CSMD1: variants seen among roughly 807,000 people sequenced by gnomAD.
CSMD1 encodes the protein CUB and sushi domain-containing protein 1.
A neutral mutation model predicts 417.5 loss-of-function variants in CSMD1; 213 were observed. The ratio of observed to expected loss-of-function variants is 0.51; its 90% CI spans 0.46 to 0.57. The LOEUF is 0.57. CSMD1 is among the 20% of genes least tolerant of loss of function. CSMD1 has a pLI of 0.00. For missense variants in CSMD1, 6,923 were observed against 4,529.7 expected (o/e 1.53, Z -15.17); for synonymous variants, 2,862 against 1,736.8 (o/e 1.65, Z -16.11).
intron 3 of CSMD1, among the ~76,000 whole-genome samples, chr8:4,134,757 T>A (rs1803315140): frequency 6.6e-6 from 1 of 152,196 alleles, no homozygotes; most frequent in South Asian, 2.1e-4. Flanking sequence ...GTCTCCAATA[T>A]ACCCCTTCTG....
intron 5 of CSMD1, among the ~76,000 whole-genome samples, chr8:3,824,849 G>A (rs981982399): frequency 2.6e-5 from 4 of 152,026 alleles, no homozygotes; most frequent in Admixed American, 2.0e-4. Context: ...AAATGACACA[G>A]GGTTTCAATT....
intron 1 of CSMD1, among the ~76,000 whole-genome samples, chr8:4,962,206 A>G (rs920456741): frequency 2.8e-5 from 4 of 142,298 alleles, no homozygotes; most frequent in Non-Finnish European, 6.0e-5. Flanking sequence ...TTAAAAAAAA[A>G]AGAAAAAAAC....
intron 3 of CSMD1, among the ~76,000 whole-genome samples, chr8:4,297,173 C>A (rs965820649): frequency 5.9e-5 from 9 of 151,994 alleles, no homozygotes; most frequent in Non-Finnish European, 1.2e-4. Context: ...CATGAATATA[C>A]TTTTACAATC....
At chr8:3,428,839 T>A (rs1384206629) in intron 12 of CSMD1, among the ~76,000 whole-genome samples, 1 of 152,140 alleles carries the variant, frequency 6.6e-6, no homozygotes, top group Non-Finnish European at 1.5e-5. Flanking sequence ...GGTAAAAATG[T>A]GGAATACTAT....
chr8:4,100,578 C>G (rs1801254372), intron 3 of CSMD1, among the ~76,000 whole-genome samples: 2 of 152,072 alleles, frequency 1.3e-5, no homozygotes, highest in African/African-American at 2.4e-5. Flanking sequence ...AACAGCATCA[C>G]CTGGGAGGTG....
At chr8:4,449,426 G>A (rs2129798678) in intron 2 of CSMD1, among the ~76,000 whole-genome samples, 1 of 152,182 alleles carries the variant, frequency 6.6e-6, no homozygotes, top group East Asian at 1.9e-4. Flanking sequence ...CCGTGTAGAA[G>A]TTCATATTTT....
intron 3 of CSMD1, among the ~76,000 whole-genome samples, chr8:4,105,269 G>A (rs527555683): frequency 2.6e-5 from 4 of 152,220 alleles, no homozygotes; most frequent in East Asian, 1.9e-4. Context: ...GTATTCAACT[G>A]TAAGGTGGAA....
At chr8:3,994,352 A>G (rs954791205) in intron 5 of CSMD1, among the ~76,000 whole-genome samples, 1 of 151,556 alleles carries the variant, frequency 6.6e-6, no homozygotes, top group Non-Finnish European at 1.5e-5. Context: ...TTAATTTAGA[A>G]ACCATAGAGG....
chr8:3,161,177 T>C (rs1226193365), intron 38 of CSMD1, among the ~76,000 whole-genome samples: 1 of 152,212 alleles, frequency 6.6e-6, no homozygotes, highest in Non-Finnish European at 1.5e-5. Flanking sequence ...GAGAGAATTA[T>C]ATAATAATTA....
intron 3 of CSMD1, among the ~76,000 whole-genome samples, chr8:4,230,130 A>C (rs1298737854): frequency 6.6e-6 from 1 of 152,212 alleles, no homozygotes; most frequent in African/African-American, 2.4e-5. Context: ...AAATCATCTC[A>C]GAATGTGATG....
chr8:4,067,122 CAG>C lies in CSMD1; in HGVS notation c.416-35025_416-35024del, dbSNP rs200779284. Among the ~76,000 whole-genome samples the C allele has an allele frequency of 6.9e-4, 105 of 152,170 alleles. 1 individual carries two copies. The East Asian group carries it at 0.019, about 27-fold the overall frequency. ...CTCTTTTTCCTCAAATGTGTTTCCA[CAG>C]AGTCACTTCATGCAAAACCAAAGGG... On this transcript the variant is annotated intron_variant, in intron 3 of 69. Transcript: ENST00000635120.
At chr8:4,940,165 C>A (rs1053298006) in intron 1 of CSMD1, among the ~76,000 whole-genome samples, 1 of 152,074 alleles carries the variant, frequency 6.6e-6, no homozygotes, top group Admixed American at 6.5e-5. Context: ...GTGTGGGAAG[C>A]AAGATATTGA....
chr8:4,212,401 T>A (rs1295383232), intron 3 of CSMD1, among the ~76,000 whole-genome samples: 3 of 152,154 alleles, frequency 2.0e-5, no homozygotes, highest in African/African-American at 7.2e-5. Flanking sequence ...AAAGCCATAC[T>A]TTTCATGTTT....
chr8:3,308,135 C>T (rs537250130), intron 24 of CSMD1, among the ~76,000 whole-genome samples, 177 bp downstream of exon 24: 4 of 152,134 alleles, frequency 2.6e-5, no homozygotes, highest in Admixed American at 6.5e-5. Context: ...GAAAAACTGT[C>T]TTTCATAGCT....
intron 3 of CSMD1, among the ~76,000 whole-genome samples, chr8:4,181,752 T>G (rs554866636): frequency 2.4e-4 from 36 of 152,304 alleles, no homozygotes; most frequent in African/African-American, 8.7e-4. Flanking sequence ...ACAACAATTC[T>G]TATCTTGTCA....
intron 1 of CSMD1, among the ~76,000 whole-genome samples, chr8:4,880,874 T>C (rs919074804): frequency 9.2e-5 from 14 of 152,184 alleles, no homozygotes; most frequent in African/African-American, 2.4e-4. Flanking sequence ...GTATTATTCA[T>C]GCTTTATAGA....
At chr8:3,808,825 G>C (rs139930234) in intron 5 of CSMD1, among the ~76,000 whole-genome samples, 171 of 152,300 alleles carry the variant, frequency 1.1e-3, no homozygotes, top group African/African-American at 3.3e-3. Flanking sequence ...AGTAGAGCAA[G>C]GCTATTTATT....
intron 2 of CSMD1, among the ~76,000 whole-genome samples, chr8:4,479,965 CAAAA>C (rs34081481): frequency 1.9e-5 from 2 of 107,890 alleles, no homozygotes; most frequent in Non-Finnish European, 4.1e-5. Context: ...GTCTCTGTCT[CAAAA>C]AAAAAAAAAA....
At chr8:4,016,917 C>T (rs1011228539) in intron 4 of CSMD1, among the ~76,000 whole-genome samples, 1 of 152,126 alleles carries the variant, frequency 6.6e-6, no homozygotes, top group Non-Finnish European at 1.5e-5. Flanking sequence ...ATGCCATAAT[C>T]CCAATTGTTG....
Sources: gnomAD v4.1 joint callset for allele counts (sites outside exome capture counted in the v4.1 genomes callset) on GRCh38, gnomAD v4.1.1 for gene constraint, MANE v1.5 for transcripts, NCBI Gene and HGNC (gene_info 2026-07-23, HGNC 2026-07-21) for gene names.